Variants in PPFIA2 observed in about 807,000 individuals in gnomAD.
PPFIA2 encodes PPFI scaffold protein A2.
Under a neutral mutation model 175.5 loss-of-function variants are expected in PPFIA2, and 46 were observed. That is an observed-to-expected ratio of 0.26 (90% confidence interval 0.21 to 0.34). The LOEUF is 0.34. Among genes scored for constraint, PPFIA2 ranks in the 10% least tolerant of loss-of-function variants. The pLI is 1.00. For missense variants in PPFIA2, 1,179 were observed against 1,506.1 expected (o/e 0.78, Z 3.60); for synonymous variants, 568 against 511.4 (o/e 1.11, Z -1.49).
chr12:81,532,985 T>A (rs2064817658), intron 4 of PPFIA2, among the ~76,000 whole-genome samples: 1 of 151,550 alleles, frequency 6.6e-6, no homozygotes, highest in Admixed American at 6.6e-5. Context: ...TTGTTAGTAA[T>A]GTGTTTCTTA....
chr12:81,435,440 G>A (rs1286108150), intron 7 of PPFIA2, among the ~76,000 whole-genome samples: 3 of 152,116 alleles, frequency 2.0e-5, no homozygotes, highest in South Asian at 4.1e-4. Context: ...CAGAAGTCAT[G>A]GTTGAATTCC....
intron 4 of PPFIA2, among the ~76,000 whole-genome samples, chr12:81,564,795 C>T (rs1182712752): frequency 6.6e-6 from 1 of 152,122 alleles, no homozygotes; most frequent in African/African-American, 2.4e-5. Context: ...CTCAGGGATG[C>T]TAACTCCCGG....
chr12:81,403,066 T>C (rs999149745), intron 8 of PPFIA2, among the ~76,000 whole-genome samples: 5 of 152,214 alleles, frequency 3.3e-5, no homozygotes, highest in Non-Finnish European at 5.9e-5. Context: ...ATATAATTAT[T>C]CTAAAGCATT....
At chr12:81,493,355 C>T (rs1167091343) in intron 4 of PPFIA2, among the ~76,000 whole-genome samples, 1 of 151,922 alleles carries the variant, frequency 6.6e-6, no homozygotes, top group African/African-American at 2.4e-5. Context: ...GTACACTTCT[C>T]AGTGTTCAGA....
chr12:81,440,385 T>C (rs1188299304), intron 6 of PPFIA2, among the ~76,000 whole-genome samples: 2 of 152,066 alleles, frequency 1.3e-5, no homozygotes, highest in African/African-American at 4.8e-5. Context: ...ATCTAAAAAA[T>C]AGTCACTGTT....
At chr12:81,625,375 G>A (rs1424778758) in intron 4 of PPFIA2, among the ~76,000 whole-genome samples, 3 of 151,822 alleles carry the variant, frequency 2.0e-5, no homozygotes, top group African/African-American at 7.3e-5. Context: ...GCATGGACAT[G>A]TCCTAAGCAC....
chr12:81,349,963 G>C (rs973381999), intron 17 of PPFIA2, among the ~76,000 whole-genome samples: 5 of 152,082 alleles, frequency 3.3e-5, no homozygotes, highest in African/African-American at 1.2e-4. Flanking sequence ...CAGTTCACCT[G>C]GTTTGAATCA....
At chr12:81,567,176 T>C (rs1369426562) in intron 4 of PPFIA2, among the ~76,000 whole-genome samples, 6 of 152,010 alleles carry the variant, frequency 3.9e-5, no homozygotes. Context: ...GCCTCCCGAG[T>C]AGCTGGGACC....
rs187500504 is a variant in PPFIA2, at chr12:81,522,815, C to T, written c.304-64949G>A. Among the ~76,000 whole-genome samples the T allele has an allele frequency of 8.5e-5, 13 of 152,282 alleles. No individual in the cohort carries two copies. The East Asian group carries it at 2.5e-3, about 29-fold the overall frequency. ...AACTTTATTTAGAGTGCATCACTGT[C>T]CTATGATCCTCACTCACAGAGACAA... is the stretch of plus-strand genomic sequence containing the variant. On this transcript the variant is annotated intron_variant, in intron 4 of 32. Transcript: ENST00000549396.
chr12:81,303,999 G>A (rs187190602), intron 22 of PPFIA2, among the ~76,000 whole-genome samples: 182 of 152,238 alleles, frequency 1.2e-3, no homozygotes, highest in Non-Finnish European at 2.1e-3. Flanking sequence ...ATTGGTATAC[G>A]AGTAGAGTCT....
chr12:81,596,545 C>A (rs528664044), intron 4 of PPFIA2, among the ~76,000 whole-genome samples: 6 of 151,894 alleles, frequency 4.0e-5, no homozygotes, highest in Non-Finnish European at 7.4e-5. Flanking sequence ...AGTCACCTGC[C>A]AAGAAAGGTG....
chr12:81,718,230 T>C (rs1315111446), intron 3 of PPFIA2, among the ~76,000 whole-genome samples: 1 of 151,688 alleles, frequency 6.6e-6, no homozygotes, highest in Non-Finnish European at 1.5e-5. Flanking sequence ...AGGGATTGAT[T>C]ACTCTTTTAC....
At chr12:81,500,683 G>A (rs1482386471) in intron 4 of PPFIA2, among the ~76,000 whole-genome samples, 1 of 152,160 alleles carries the variant, frequency 6.6e-6, no homozygotes, top group Non-Finnish European at 1.5e-5. Flanking sequence ...TTGGGTATTA[G>A]AGTATGTTAA....
chr12:81,359,247 A>G (rs2061291568), intron 15 of PPFIA2, among the ~76,000 whole-genome samples: 1 of 152,052 alleles, frequency 6.6e-6, no homozygotes, highest in African/African-American at 2.4e-5. Context: ...ATATCTGGTA[A>G]CATTAAAAAG....
At chr12:81,307,090 A>G (rs1317781158) in intron 22 of PPFIA2, among the ~76,000 whole-genome samples, 1 of 152,124 alleles carries the variant, frequency 6.6e-6, no homozygotes, top group Non-Finnish European at 1.5e-5. Context: ...TCAACTATCA[A>G]CAACCTTGTG....
At chr12:81,424,710 T>C (rs2046847270) in intron 7 of PPFIA2, 1 of 152,062 alleles carries the variant, frequency 6.6e-6, no homozygotes, top group South Asian at 2.1e-4. Context: ...TAAGTAAGAG[T>C]CATGTGTGCT....
chr12:81,306,511 T>C lies in PPFIA2; in HGVS notation c.2643-7129A>G, dbSNP rs566986227. Among the ~76,000 whole-genome samples the C allele has an allele frequency of 6.2e-4, 94 of 151,624 alleles. No individual in the cohort carries two copies. The Middle Eastern group carries it at 0.021, about 33-fold the overall frequency. On this transcript the variant is annotated intron_variant, in intron 22 of 32. Transcript: ENST00000549396. ...ATAAATGTGAGCTTCTTTCTTACTG[T>C]TTTTTGTTTGTTTGTTTGTTTGTTT...
intron 4 of PPFIA2, among the ~76,000 whole-genome samples, chr12:81,651,755 A>G (rs921263543): frequency 1.3e-5 from 2 of 152,192 alleles, no homozygotes; most frequent in African/African-American, 2.4e-5. Flanking sequence ...CAAAGAGCTC[A>G]TAAGTGATAA....
intron 4 of PPFIA2, among the ~76,000 whole-genome samples, chr12:81,645,930 G>T (rs1404869331): frequency 6.6e-6 from 1 of 152,182 alleles, no homozygotes; most frequent in Non-Finnish European, 1.5e-5. Flanking sequence ...GCTGCTAGAG[G>T]AAGGGCAAGA....
Sources: allele counts gnomAD v4.1 joint callset (sites outside exome capture counted in the v4.1 genomes callset), GRCh38; gene constraint gnomAD v4.1.1; transcripts MANE v1.5; gene names NCBI Gene and HGNC (gene_info 2026-07-23, HGNC 2026-07-21).